Variants in TAF1D observed in about 807,000 individuals in gnomAD.
The protein encoded by TAF1D is TATA-box binding protein associated factor, RNA polymerase I subunit D, also known as TATA box-binding protein-associated factor RNA polymerase I subunit D.
Under a neutral mutation model 26.2 loss-of-function variants are expected in TAF1D, and 23 were observed. The ratio of observed to expected loss-of-function variants is 0.88; its 90% CI spans 0.63 to 1.25. TAF1D has a LOEUF of 1.25. Among genes scored for constraint, TAF1D ranks in the 50% most tolerant of loss-of-function variants. The probability of loss-of-function intolerance (pLI) is 0.00; values close to 1 mark genes in which losing one functional copy is unlikely to be tolerated. For missense variants in TAF1D, 299 were observed against 322.0 expected, an observed-to-expected ratio of 0.93 and a Z score of 0.55; for synonymous variants, 100 against 105.6, an observed-to-expected ratio of 0.95 and a Z score of 0.33.
At position 93,738,114 on chromosome 11, in the gene TAF1D, A is replaced by G. The variant is rs1941176273; in HGVS notation, c.454T>C (p.Phe152Leu). Residue 152 changes from phenylalanine (F) to leucine (L), a missense_variant, in exon 3 of 6, where the codon TTT becomes CTT. Coordinates refer to ENST00000448108, the MANE Select transcript of TAF1D (RefSeq NM_024116.4). ...KNAPWRKILT[F>L]EQAVARGFFN... Reference sequence around the variant, plus strand: ...TATGTAAAATGCTGACTCACCTCAAACGTTAAAATTTTTCTCCAAGGTGCG... The same window carrying G: ...TATGTAAAATGCTGACTCACCTCAAGCGTTAAAATTTTTCTCCAAGGTGCG... 2.6e-6 allele frequency: 4 copies of G among 1,554,778 alleles called. No homozygotes were observed. Among genetic ancestry groups the G allele is most frequent in the Non-Finnish European group, 2.6e-6 (3 of 1,159,716 alleles).
At chr11:93,732,890 AAAG>A, downstream of TAF1D, 1 of 232,330 alleles carries the variant, frequency 4.3e-6, no homozygotes, top group Non-Finnish European at 8.7e-6. Context: ...ATAATGATGC[AAAG>A]AACACAGGTA....
At chr11:93,734,582 A>T, downstream of TAF1D, 1 of 507,460 alleles carries the variant, frequency 2.0e-6, no homozygotes, top group South Asian at 1.5e-5. Context: ...ACTGTTTCCT[A>T]CACATAAACA....
At chr11:93,733,101 G>A (rs938521017), downstream of TAF1D, 1 of 375,278 alleles carries the variant, frequency 2.7e-6, no homozygotes, top group African/African-American at 2.1e-5. Flanking sequence ...CAACATGAAT[G>A]AGTTCAAATC....
chr11:93,730,239 AGAG>A (rs745528488), exon 12 of TAF1D: 12 of 1,551,130 alleles, frequency 7.7e-6, no homozygotes, highest in Non-Finnish European at 1.0e-5. Context: ...AGAAAACACT[AGAG>A]AAACTTCGAG....
downstream of TAF1D, chr11:93,735,446 G>GC (rs1231588808): frequency 3.4e-6 from 2 of 591,716 alleles, no homozygotes; most frequent in Non-Finnish European, 4.3e-6. Flanking sequence ...ATTTTGGGAG[G>GC]CCAAGGCAGG....
At chr11:93,735,243 A>G (rs749351609), downstream of TAF1D, 2 of 1,348,014 alleles carry the variant, frequency 1.5e-6, no homozygotes, top group South Asian at 2.3e-5. Context: ...TGCAGTCCCA[A>G]AATGCACTAC....
At chr11:93,730,724 T>C (rs547960270), downstream of TAF1D, 6 of 496,694 alleles carry the variant, frequency 1.2e-5, no homozygotes, top group South Asian at 4.3e-5. Flanking sequence ...TACATAACAA[T>C]AGTATAAAAG....
chr11:93,731,203 A>G, downstream of TAF1D: 4 of 415,644 alleles, frequency 9.6e-6, no homozygotes, highest in South Asian at 7.6e-5. Context: ...ACTGATGAAG[A>G]CTTCAAAATT....
chr11:93,735,125 T>C (rs1330903490), downstream of TAF1D: 44 of 1,347,572 alleles, frequency 3.3e-5, no homozygotes, highest in Middle Eastern at 2.2e-4. Flanking sequence ...TCCCTTCTTA[T>C]ATGTATCAAA....
downstream of TAF1D, chr11:93,733,133 A>G (rs1939662437): frequency 2.2e-6 from 1 of 461,350 alleles, no homozygotes; most frequent in Non-Finnish European, 4.3e-6. Flanking sequence ...TATAGAAAGT[A>G]CCAATTAAAG....
At chr11:93,734,989 C>T, downstream of TAF1D, 1 of 1,197,014 alleles carries the variant, frequency 8.4e-7, no homozygotes, top group Non-Finnish European at 1.1e-6. Flanking sequence ...GTCTTGAACT[C>T]CTGGTTTCAA....
At chr11:93,733,472 C>T, downstream of TAF1D, 1 of 518,690 alleles carries the variant, frequency 1.9e-6, no homozygotes, top group South Asian at 1.4e-5. Flanking sequence ...TAGCAACTGT[C>T]TTGTAATTCC....
intron 1 of TAF1D, among the ~76,000 whole-genome samples, chr11:93,739,762 C>G (rs766208981): frequency 7.9e-5 from 12 of 151,942 alleles, no homozygotes; most frequent in Non-Finnish European, 1.6e-4. Flanking sequence ...AATCAATAAA[C>G]CATTTTAAAC....
intron 3 of TAF1D, 108 bp from the exon 4 acceptor site, chr11:93,737,347 G>T: frequency 1.4e-6 from 1 of 693,118 alleles, no homozygotes. Context: ...CTCTGAATTT[G>T]CTATCTTAAC....
intron 5 of TAF1D, 42 bp from the exon 6 acceptor site, chr11:93,736,346 C>T: frequency 1.3e-6 from 2 of 1,563,222 alleles, no homozygotes; most frequent in Non-Finnish European, 1.7e-6. Context: ...AGCAATAACT[C>T]AAATAGTTTA....
At chr11:93,735,128 G>A (rs372627604), downstream of TAF1D, 4 of 1,348,390 alleles carry the variant, frequency 3.0e-6, no homozygotes, top group Non-Finnish European at 2.9e-6. Flanking sequence ...CTTCTTATAT[G>A]TATCAAAACT....
downstream of TAF1D, chr11:93,731,079 T>C (rs1258475715): frequency 1.9e-6 from 1 of 518,712 alleles, no homozygotes. Context: ...AACTGCATTC[T>C]AAAAGCCTTG....
At chr11:93,738,704 TA>T (rs1941239060) in intron 2 of TAF1D, among the ~76,000 whole-genome samples, 1 of 152,132 alleles carries the variant, frequency 6.6e-6, no homozygotes, top group Admixed American at 6.5e-5. Context: ...CAGCTCTTAT[TA>T]AAGAGTTTTG....
downstream of TAF1D, chr11:93,731,272 C>T (rs1266471450): frequency 8.7e-6 from 3 of 343,376 alleles, no homozygotes; most frequent in Non-Finnish European, 1.7e-5. Flanking sequence ...ATAAATCTAT[C>T]TTTCAAGAAT....
Sources: allele counts gnomAD v4.1 joint callset (sites outside exome capture counted in the v4.1 genomes callset), GRCh38; gene constraint gnomAD v4.1.1; transcripts MANE v1.5; gene names NCBI Gene and HGNC (gene_info 2026-07-23, HGNC 2026-07-21).